The following ANKRD26 variants were observed in gnomAD, a reference collection of about 807,000 sequenced individuals.
ANKRD26 encodes ankyrin repeat domain 26, also known as ankyrin repeat domain-containing protein 26.
Under a neutral mutation model 208.7 loss-of-function variants are expected in ANKRD26, and 141 were observed. That is an observed-to-expected ratio of 0.68 (90% CI 0.59 to 0.78). The LOEUF is 0.78. Among genes scored for constraint, ANKRD26 ranks in the 30% least tolerant of loss-of-function variants. The pLI is 0.00. For synonymous variants in ANKRD26, 636 were observed against 660.4 expected (o/e 0.96, Z 0.57); for missense variants, 1,889 against 1,938.7 (o/e 0.97, Z 0.48).
At chr10:27,057,299 G>A (rs908168248) in intron 15 of ANKRD26, among the ~76,000 whole-genome samples, 2 of 151,832 alleles carry the variant, frequency 1.3e-5, no homozygotes, top group East Asian at 1.9e-4. Context: ...GTCATCTCTC[G>A]GATTTTTTTC....
chr10:27,032,454 G>A (rs1318259953), intron 25 of ANKRD26, among the ~76,000 whole-genome samples: 1 of 152,132 alleles, frequency 6.6e-6, no homozygotes, highest in African/African-American at 2.4e-5. Flanking sequence ...GGCCAACATG[G>A]CAAAACCCTA....
chr10:27,092,384 A>G, intron 4 of ANKRD26, 22 bp downstream of exon 4: 1 of 1,570,826 alleles, frequency 6.4e-7, no homozygotes, highest in Non-Finnish European at 8.7e-7. Flanking sequence ...TTAAAAATCC[A>G]AAACAAAACC....
At chr10:26,998,298 G>A (rs1329369378) in intron 4 of ANKRD26, among the ~76,000 whole-genome samples, 2 of 152,176 alleles carry the variant, frequency 1.3e-5, no homozygotes, top group Non-Finnish European at 2.9e-5. Context: ...GGTTCTGGTG[G>A]CACTGCTAGA....
intron 33 of ANKRD26, among the ~76,000 whole-genome samples, 178 bp downstream of exon 33, chr10:27,006,739 A>G (rs188034436): frequency 2.2e-4 from 34 of 152,336 alleles, no homozygotes; most frequent in Admixed American, 2.0e-3. Context: ...CAAAGTAAGT[A>G]TACTCTTCAC....
the ANKRD26 span, among the ~76,000 whole-genome samples, chr10:26,959,717 A>G: frequency 3.3e-5 from 5 of 150,968 alleles, no homozygotes; most frequent in Non-Finnish European, 5.9e-5. Flanking sequence ...TGACCTCAAG[A>G]GATCTGTCCT....
chr10:27,011,325 A>ACTGCGGTTGCAGTAAG (rs2053099483), intron 32 of ANKRD26, among the ~76,000 whole-genome samples: 1 of 152,144 alleles, frequency 6.6e-6, no homozygotes, highest in African/African-American at 2.4e-5. Context: ...TGCTATTCAC[A>ACTGCGGTTGCAGTAAG]GTTGCAGTAA....
rs1306183064 is a variant in ANKRD26, at chr10:27,051,661, A to ATTT, written c.1635+1658_1635+1659insAAA. The ATTT allele has an allele frequency of 1.2e-5, 12 of 985,276 alleles. No individual in the cohort carries two copies. The African/African-American group carries it at 1.9e-4, about 16-fold the overall frequency. The allele number at this position is 985,276 out of a possible 1,614,324, so 61.0% of individuals were successfully genotyped here. On this transcript the variant is annotated intron_variant, in intron 16 of 33. Coordinates refer to ENST00000376087, the MANE Select transcript of ANKRD26 (RefSeq NM_014915.3). ...GATGACTGGCAAGCATATTCTGGGG[A>ATTT]CCCAGAGTATGAAGGAAATGAAAAG...
chr10:27,069,948 TCTCTAC>T (rs2055419293), intron 9 of ANKRD26, among the ~76,000 whole-genome samples: 1 of 151,394 alleles, frequency 6.6e-6, no homozygotes, highest in Admixed American at 6.6e-5. Context: ...CGAGACCCCA[TCTCTAC>T]AAAAAATAAA....
At chr10:27,067,687 C>A (rs2055313853) in intron 9 of ANKRD26, among the ~76,000 whole-genome samples, 2 of 152,110 alleles carry the variant, frequency 1.3e-5, no homozygotes, top group South Asian at 4.1e-4. Context: ...AGGACAGGAC[C>A]AATGGGGATG....
chr10:27,017,786 C>T lies in ANKRD26; in HGVS notation c.4222G>A (p.Asp1408Asn). The T allele has an allele frequency of 6.2e-7, 1 of 1,612,102 alleles. No individual in the cohort carries two copies. The highest frequency in any genetic ancestry group is 8.5e-7 in the Non-Finnish European group (1 of 1,179,690). The change falls in exon 30 of 34, where the codon GAT becomes AAT. Residue 1408 changes from aspartate (D) to asparagine (N), a missense_variant. This residue lies in a region of ANKRD26 where 613 missense variants were observed against 648.2 expected (regional missense o/e 0.95). Transcript: ENST00000376087. ...QINKLKHKID[D>N]LTAELETAGS... is the part of the protein sequence containing the mutation. Reference sequence around the variant, plus strand: ...GCAGTCTCCAGTTCTGCTGTAAGATCATCAATCTGAATGAAGACAATAATA... The same window carrying T: ...GCAGTCTCCAGTTCTGCTGTAAGATTATCAATCTGAATGAAGACAATAATA...
Position 27,053,404 on chromosome 10 carries a change from A to C in ANKRD26, c.1565-14T>G. On this transcript the variant is annotated splice_polypyrimidine_tract_variant and intron_variant, in intron 15 of 33. Transcript: ENST00000376087. ...AGTCATGTTCAGCTGAAAAAATCCA[A>C]ATATTTAGTTTAATGAACTACTTAG... 6.3e-7 allele frequency: 1 copy of C among 1,593,596 alleles called. No individual in the cohort carries two copies. The highest frequency in any genetic ancestry group is 8.6e-7 in the Non-Finnish European group (1 of 1,163,426).
intron 29 of ANKRD26, among the ~76,000 whole-genome samples, chr10:27,018,805 C>T (rs1424620825): frequency 1.3e-5 from 2 of 152,032 alleles, no homozygotes; most frequent in African/African-American, 2.4e-5. Context: ...TGAAACTAGA[C>T]CCCTATCGAA....
intron 29 of ANKRD26, among the ~76,000 whole-genome samples, chr10:27,019,048 A>C (rs576644299): frequency 6.6e-6 from 1 of 152,266 alleles, no homozygotes; most frequent in East Asian, 1.9e-4. Context: ...TGGGAGGACA[A>C]GGCGGGTGGA....
chr10:27,034,648 C>T, intron 24 of ANKRD26, 148 bp downstream of exon 24: 1 of 546,594 alleles, frequency 1.8e-6, no homozygotes, highest in East Asian at 3.1e-5. Context: ...TCTCTCAGCT[C>T]TTTTATTTGC....
intron 15 of ANKRD26, among the ~76,000 whole-genome samples, chr10:27,058,576 A>C (rs1589300270): frequency 6.7e-6 from 1 of 149,704 alleles, no homozygotes; most frequent in African/African-American, 2.5e-5. Flanking sequence ...AATGAACTCC[A>C]CCATGATTTT....
intron 7 of ANKRD26, 64 bp from the exon 8 acceptor site, chr10:27,077,757 C>A (rs962803284): frequency 1.5e-6 from 2 of 1,365,716 alleles, no homozygotes; most frequent in Admixed American, 1.8e-5. Context: ...ATAAAATAAT[C>A]GTAATAGATA....
chr10:27,084,515 C>T (rs1471278316), intron 5 of ANKRD26, among the ~76,000 whole-genome samples: 1 of 152,108 alleles, frequency 6.6e-6, no homozygotes, highest in African/African-American at 2.4e-5. Flanking sequence ...TCATGCAGTT[C>T]AGATTATAAA....
In ANKRD26 at chr10:27,004,328, A is replaced by T. The variant is rs1053639438; in HGVS notation, c.*1262T>A. On this transcript the variant is annotated 3_prime_UTR_variant, in exon 34 of 34. Transcript: ENST00000376087. ...TTTCTTAAAAGAAAAACAAATTTTT[A>T]ATAACAATATTAATGAATTATAACT... The T allele has an allele frequency of 2.0e-5, 3 of 151,936 alleles. No homozygotes were observed. Among genetic ancestry groups the T allele is most frequent in the African/African-American group, 4.8e-5 (2 of 41,414 alleles). The allele number at this position is 151,936 out of a possible 1,614,324, so 9.4% of individuals were successfully genotyped here. A position where few individuals can be genotyped will look rare whatever the true frequency, so the allele number is the denominator to read the frequency against.
intron 15 of ANKRD26, 22 bp from the exon 16 acceptor site, chr10:27,053,412 G>A: frequency 6.4e-7 from 1 of 1,555,422 alleles, no homozygotes; most frequent in Non-Finnish European, 8.9e-7. Context: ...CAAATATTTA[G>A]TTTAATGAAC....
Sources: allele counts gnomAD v4.1 joint callset (sites outside exome capture counted in the v4.1 genomes callset), GRCh38; gene constraint gnomAD v4.1.1; regional missense constraint gnomAD v4.1.1; transcripts MANE v1.5; gene names NCBI Gene and HGNC (gene_info 2026-07-23, HGNC 2026-07-21).